RALGAPB: variants seen among roughly 807,000 people sequenced by gnomAD.
RALGAPB encodes Ral GTPase activating protein non-catalytic subunit beta, also known as ral GTPase-activating protein subunit beta.
A neutral mutation model predicts 161.1 loss-of-function variants in RALGAPB; 25 were observed. The ratio of observed to expected loss-of-function variants is 0.16; its 90% CI spans 0.11 to 0.22. The LOEUF (loss-of-function observed/expected upper bound fraction) is 0.22, where lower values mean the gene tolerates loss of function less well. Among genes scored for constraint, RALGAPB ranks in the 10% least tolerant of loss-of-function variants. RALGAPB has a pLI of 1.00. For synonymous variants in RALGAPB, 629 were observed against 626.1 expected, an observed-to-expected ratio of 1.00 and a Z score of -0.07; for missense variants, 1,391 against 1,815.2, an observed-to-expected ratio of 0.77 and a Z score of 4.25.
Position 38,521,593 on chromosome 20 carries a change from T to A in RALGAPB, c.1514T>A (p.Phe505Tyr), listed in dbSNP as rs1363389391. The change falls in exon 10 of 30, where the codon TTT (phenylalanine) becomes TAT (tyrosine). Residue 505 changes from phenylalanine (F) to tyrosine (Y), a missense_variant. Physicochemically the swap from Phe to Tyr is conservative, Grantham distance 22. Transcript: ENST00000262879. ...AATCCTATGTTTGATGCAAGTGAAT[T>A]TCCTGATAACTATGAAGCAGGAAGA... ...VSNPMFDASE[F>Y]PDNYEAGRAE... 1.2e-6 allele frequency: 2 copies of A among 1,614,250 alleles called. No homozygotes were observed. Among genetic ancestry groups the A allele is most frequent in the Non-Finnish European group, 1.7e-6 (2 of 1,180,036 alleles).
rs1224921560 is a variant in RALGAPB at position 38,553,882 on chromosome 20, G to A, written c.3178G>A (p.Glu1060Lys). 5 of 1,603,290 alleles carry A rather than the reference G, an allele frequency of 3.1e-6. No individual in the cohort carries two copies. Among genetic ancestry groups the A allele is most frequent in the African/African-American group, 2.7e-5 (2 of 74,138 alleles). ...IVTEELEERH[E>K]KLRSGMAQQI... ...TTTATTACAGTTAGAAGAGAGACAC[G>A]AAAAATTAAGGAGTGGCATGGCCCA... Residue 1060 changes from glutamate (E) to lysine (K), a missense_variant, in exon 22 of 30, where the codon GAA becomes AAA. Transcript: ENST00000262879.
At chr20:38,492,452 TGTAAA>T (rs976715674) in intron 2 of RALGAPB, among the ~76,000 whole-genome samples, 227 of 152,264 alleles carry the variant, frequency 1.5e-3, no homozygotes, top group African/African-American at 5.2e-3. Flanking sequence ...AGAGAACAGT[TGTAAA>T]GTAAGAGTAA....
chr20:38,519,742 G>T (rs911758507), intron 9 of RALGAPB, among the ~76,000 whole-genome samples: 4 of 152,278 alleles, frequency 2.6e-5, no homozygotes, highest in Admixed American at 2.0e-4. Flanking sequence ...AGTTAAAGGG[G>T]TTAGAATGCT....
At chr20:38,516,784 T>G (rs977397010) in intron 7 of RALGAPB, among the ~76,000 whole-genome samples, 2 of 152,220 alleles carry the variant, frequency 1.3e-5, no homozygotes, top group Non-Finnish European at 2.9e-5. Flanking sequence ...GGGACCATTC[T>G]CATGTATATC....
At chr20:38,496,708 TC>T (rs1223562979) in intron 3 of RALGAPB, among the ~76,000 whole-genome samples, 1 of 152,210 alleles carries the variant, frequency 6.6e-6, no homozygotes, top group Non-Finnish European at 1.5e-5. Context: ...AAACTGTTGT[TC>T]CGGGGTATCC....
At position 38,553,961 on chromosome 20, in the gene RALGAPB, AGAG is replaced by A. The variant is rs369615732; in HGVS notation, c.3258_3260del (p.Arg1087del). 308 of 1,613,620 alleles carry A rather than the reference AGAG, an allele frequency of 1.9e-4. 1 individual carries two copies. The African/African-American group carries it at 3.9e-3, about 21-fold the overall frequency. On this transcript the variant is annotated inframe_deletion, in exon 22 of 30. Transcript: ENST00000262879. ...CAACAGAGTGAGGAGGAATTGCAGA[AGAG>A]AAGTTTTCCTGACCCAGTTACGGAT...
intron 1 of RALGAPB, among the ~76,000 whole-genome samples, chr20:38,477,135 A>G (rs949653561): frequency 2.6e-5 from 4 of 152,248 alleles, no homozygotes; most frequent in African/African-American, 9.6e-5. Context: ...ACTTGCTCTA[A>G]TATGGTAGCC....
At chr20:38,503,143 T>C (rs1600873575) in intron 5 of RALGAPB, among the ~76,000 whole-genome samples, 2 of 152,234 alleles carry the variant, frequency 1.3e-5, no homozygotes, top group East Asian at 3.8e-4. Context: ...TTAATAACAT[T>C]TTATTTAGCT....
chr20:38,539,207 C>T (rs774995718), intron 16 of RALGAPB, among the ~76,000 whole-genome samples: 8 of 152,112 alleles, frequency 5.3e-5, no homozygotes, highest in African/African-American at 7.2e-5. Context: ...GCTAATCTAT[C>T]GTGACAGCAG....
At chr20:38,563,675 A>G (rs905680081) in intron 24 of RALGAPB, among the ~76,000 whole-genome samples, 36 of 152,196 alleles carry the variant, frequency 2.4e-4, no homozygotes, top group Admixed American at 5.2e-4. Flanking sequence ...TGATAAATAT[A>G]TCAGTTGGAT....
intron 4 of RALGAPB, among the ~76,000 whole-genome samples, chr20:38,497,801 C>T (rs1024047841): frequency 6.6e-6 from 1 of 152,020 alleles, no homozygotes; most frequent in African/African-American, 2.4e-5. Flanking sequence ...ATAGGCCAGG[C>T]GTAGTGGCTA....
intron 9 of RALGAPB, among the ~76,000 whole-genome samples, chr20:38,520,008 T>G (rs1208584270): frequency 6.6e-6 from 1 of 152,232 alleles, no homozygotes; most frequent in African/African-American, 2.4e-5. Context: ...TTCTTTGTAG[T>G]TGTGTAATTT....
At chr20:38,572,904 C>G (rs535583989) in intron 28 of RALGAPB, among the ~76,000 whole-genome samples, 1 of 152,214 alleles carries the variant, frequency 6.6e-6, no homozygotes, top group East Asian at 1.9e-4. Context: ...AGAATTCACT[C>G]CAGGACTATA....
rs2086948370 is a variant in RALGAPB at position 38,541,021 on chromosome 20, T to C, written c.2563-20T>C. ...GAGAAAGGTGTGTTCTAAAAATTGA[T>C]CTGCCTTTCCTGCTTTTAGGACTGC... On this transcript the variant is annotated intron_variant, in intron 17 of 29. Coordinates refer to ENST00000262879, the MANE Select transcript of RALGAPB (RefSeq NM_020336.4). 6.2e-7 allele frequency: 1 copy of C among 1,609,636 alleles called. No homozygotes were observed. Among genetic ancestry groups the C allele is most frequent in the South Asian group, 1.1e-5 (1 of 90,776 alleles).
intron 6 of RALGAPB, among the ~76,000 whole-genome samples, chr20:38,514,568 T>C (rs573832560): frequency 3.8e-4 from 58 of 152,326 alleles, no homozygotes; most frequent in Non-Finnish European, 7.8e-4. Context: ...TTTTTATGAT[T>C]GTGATTATTT....
intron 1 of RALGAPB, among the ~76,000 whole-genome samples, chr20:38,486,917 G>A (rs1026326185): frequency 6.6e-6 from 1 of 152,156 alleles, no homozygotes; most frequent in East Asian, 1.9e-4. Context: ...GGACTCAGAG[G>A]TTCAGGAGGC....
At position 38,474,561 on chromosome 20, in the gene RALGAPB, G is replaced by T. The variant is rs1421386146; in HGVS notation, c.-31+1492G>T. 3.9e-5 allele frequency among the ~76,000 whole-genome samples: 6 copies of T among 152,222 alleles called. No homozygotes were observed. In the South Asian group the frequency reaches 1.2e-3, roughly 32 times the overall value. On this transcript the variant is annotated intron_variant, in intron 1 of 29. Coordinates refer to ENST00000262879, the MANE Select transcript of RALGAPB (RefSeq NM_020336.4). ...GCCATAGTGGTGGGATTACAGATGC[G>T]AGCCACTGTGCCAGGCCTACATACC...
chr20:38,544,334 G>A (rs2087080089), intron 18 of RALGAPB, among the ~76,000 whole-genome samples: 1 of 150,954 alleles, frequency 6.6e-6, no homozygotes, highest in Admixed American at 6.6e-5. Context: ...GTTCATTTCT[G>A]CTGTTACCTT....
chr20:38,575,800 A>G lies in RALGAPB; in HGVS notation c.*833A>G, dbSNP rs569083251. ...AATATTTGTGATTCATTGATTAAAT[A>G]TTATTTAAAGAAATGTAAATTCACA... On this transcript the variant is annotated 3_prime_UTR_variant, in exon 30 of 30. Coordinates refer to ENST00000262879, the MANE Select transcript of RALGAPB (RefSeq NM_020336.4). The G allele has an allele frequency of 3.9e-5, 6 of 152,598 alleles. No homozygotes were observed. The South Asian group carries it at 1.2e-3, about 32-fold the overall frequency. The allele number at this position is 152,598 out of a possible 1,614,324, so 9.5% of individuals were successfully genotyped here.
Sources: gnomAD v4.1 joint callset for allele counts (sites outside exome capture counted in the v4.1 genomes callset) on GRCh38, gnomAD v4.1.1 for gene constraint, MANE v1.5 for transcripts, NCBI Gene and HGNC (gene_info 2026-07-23, HGNC 2026-07-21) for gene names.